SLC24A3: variants seen among roughly 807,000 people sequenced by gnomAD.
The protein encoded by SLC24A3 is sodium/potassium/calcium exchanger 3.
In SLC24A3, 28 loss-of-function variants were observed where a neutral mutation model predicts 75.8. The ratio of observed to expected loss-of-function variants is 0.37; its 90% CI spans 0.27 to 0.51. SLC24A3 has a LOEUF of 0.51. Ranked by LOEUF, SLC24A3 falls within the 20% of genes least tolerant of loss-of-function variation. The pLI, the probability that SLC24A3 is intolerant of heterozygous loss-of-function variation, is 0.94. For synonymous variants in SLC24A3, 372 were observed against 334.1 expected (o/e 1.11, Z -1.24); for missense variants, 663 against 847.8 (o/e 0.78, Z 2.71).
intron 2 of SLC24A3, among the ~76,000 whole-genome samples, chr20:19,431,559 A>G (rs1325324261): frequency 6.6e-6 from 1 of 152,022 alleles, no homozygotes; most frequent in African/African-American, 2.4e-5. Context: ...CAGCCAGATA[A>G]GCACCCAGAG....
At chr20:19,583,585 C>T (rs2031250624) in intron 4 of SLC24A3, among the ~76,000 whole-genome samples, 1 of 152,120 alleles carries the variant, frequency 6.6e-6, no homozygotes, top group African/African-American at 2.4e-5. Context: ...AAGAAACAAA[C>T]TGGCTGGATG....
At chr20:19,314,551 G>T (rs954686564) in intron 2 of SLC24A3, among the ~76,000 whole-genome samples, 2 of 152,088 alleles carry the variant, frequency 1.3e-5, no homozygotes, top group African/African-American at 4.8e-5. Context: ...TCGGGCTCTA[G>T]CAATCTGCCC....
intron 2 of SLC24A3, among the ~76,000 whole-genome samples, chr20:19,457,184 C>A (rs942098230): frequency 6.6e-6 from 1 of 152,188 alleles, no homozygotes; most frequent in African/African-American, 2.4e-5. Context: ...GATCCATCAA[C>A]TGTGGAGTCT....
In SLC24A3 at chr20:19,501,757, C is replaced by T. The variant is rs148856937; in HGVS notation, c.272-13731C>T. On this transcript the variant is annotated intron_variant, in intron 2 of 16. Coordinates refer to ENST00000328041, the MANE Select transcript of SLC24A3 (RefSeq NM_020689.4). Reference sequence around the variant, plus strand: ...GCTGCAGTGTCTCTTCCTGTAATCTCCCACTGTTCTGATTGCTCTTTCTGT... The same window carrying T: ...GCTGCAGTGTCTCTTCCTGTAATCTTCCACTGTTCTGATTGCTCTTTCTGT... Among the ~76,000 whole-genome samples the T allele has an allele frequency of 3.5e-4, 54 of 152,248 alleles. No homozygotes were observed. The East Asian group carries it at 9.1e-3, about 26-fold the overall frequency.
chr20:19,603,756 C>T (rs1482119468), intron 6 of SLC24A3, among the ~76,000 whole-genome samples: 1 of 152,010 alleles, frequency 6.6e-6, no homozygotes, highest in African/African-American at 2.4e-5. Flanking sequence ...GGCCTTGGAG[C>T]CACATTATGC....
chr20:19,621,921 A>G (rs1050901117), intron 6 of SLC24A3, among the ~76,000 whole-genome samples: 7 of 152,194 alleles, frequency 4.6e-5, no homozygotes, highest in Non-Finnish European at 7.3e-5. Flanking sequence ...CTGGTTGCCA[A>G]TGCAGATCTG....
intron 1 of SLC24A3, among the ~76,000 whole-genome samples, chr20:19,227,120 G>A (rs1239225514): frequency 1.3e-5 from 2 of 152,222 alleles, no homozygotes; most frequent in South Asian, 2.1e-4. Flanking sequence ...TCAATTCGAT[G>A]TTCTGTTGCC....
chr20:19,628,856 G>C (rs912479884), intron 6 of SLC24A3, among the ~76,000 whole-genome samples: 2 of 152,108 alleles, frequency 1.3e-5, no homozygotes. Flanking sequence ...TCTCTAGTGG[G>C]GCTAATTGGA....
At chr20:19,690,431 C>A (rs1317693277) in intron 12 of SLC24A3, among the ~76,000 whole-genome samples, 1 of 151,922 alleles carries the variant, frequency 6.6e-6, no homozygotes, top group Non-Finnish European at 1.5e-5. Context: ...TTTTTTCTTC[C>A]CTCTTTTTTT....
intron 2 of SLC24A3, among the ~76,000 whole-genome samples, chr20:19,331,175 A>G (rs1984989443): frequency 6.6e-6 from 1 of 152,226 alleles, no homozygotes; most frequent in Admixed American, 6.5e-5. Flanking sequence ...AATGGACAGA[A>G]GTTTAGATAA....
At chr20:19,216,775 A>G (rs973229572) in intron 1 of SLC24A3, among the ~76,000 whole-genome samples, 1 of 152,226 alleles carries the variant, frequency 6.6e-6, no homozygotes, top group Non-Finnish European at 1.5e-5. Context: ...AAGTCACCCC[A>G]AAAGTTAGTG....
chr20:19,593,076 G>A (rs555288285), intron 6 of SLC24A3, among the ~76,000 whole-genome samples: 7 of 152,278 alleles, frequency 4.6e-5, no homozygotes, highest in East Asian at 1.9e-4. Context: ...ACTTATAGGC[G>A]TGAGCCACCG....
intron 2 of SLC24A3, among the ~76,000 whole-genome samples, chr20:19,303,881 G>C (rs1051366233): frequency 1.2e-4 from 19 of 152,154 alleles, no homozygotes; most frequent in Admixed American, 2.0e-4. Flanking sequence ...TCACCCTACT[G>C]TGTGGCTGCT....
chr20:19,698,199 C>G (rs1295565092), intron 14 of SLC24A3, among the ~76,000 whole-genome samples: 1 of 152,150 alleles, frequency 6.6e-6, no homozygotes, highest in African/African-American at 2.4e-5. Context: ...GGTGTTAAAC[C>G]ATTCATAAGA....
intron 1 of SLC24A3, among the ~76,000 whole-genome samples, chr20:19,246,238 G>C (rs1437400937): frequency 6.6e-6 from 1 of 152,052 alleles, no homozygotes; most frequent in Non-Finnish European, 1.5e-5. Flanking sequence ...AATTAAATAT[G>C]CTAATTGTTC....
rs374350747 is a variant in SLC24A3, at chr20:19,238,850, A to G, written c.142+25866A>G. 2.1e-3 allele frequency among the ~76,000 whole-genome samples: 313 copies of G among 152,176 alleles called. 9 individuals are homozygous for G. The South Asian group carries it at 0.058, about 28-fold the overall frequency. On this transcript the variant is annotated intron_variant, in intron 1 of 16. Transcript: ENST00000328041. ...TTCCACAATGACGACAATGATCATCAGTATTACTATTGATCTTTCTCCTCC... is the reference window on the plus strand; with the variant it reads ...TTCCACAATGACGACAATGATCATCGGTATTACTATTGATCTTTCTCCTCC...
chr20:19,390,634 G>A (rs1021666447), intron 2 of SLC24A3, among the ~76,000 whole-genome samples: 3 of 152,218 alleles, frequency 2.0e-5, no homozygotes, highest in Admixed American at 6.5e-5. Flanking sequence ...GGAGCTGTGG[G>A]GAGTGACCTG....
At chr20:19,673,780 G>T in intron 9 of SLC24A3, 126 bp downstream of exon 9, 1 of 741,980 alleles carries the variant, frequency 1.3e-6, no homozygotes. Flanking sequence ...CAGTCACTTG[G>T]CTCCCTGCCA....
chr20:19,427,900 A>G (rs897695531), intron 2 of SLC24A3, among the ~76,000 whole-genome samples: 14 of 152,202 alleles, frequency 9.2e-5, no homozygotes, highest in African/African-American at 3.4e-4. Context: ...CACAACTTTA[A>G]TATCAGTGGA....
Sources: allele counts gnomAD v4.1 joint callset (sites outside exome capture counted in the v4.1 genomes callset), GRCh38; gene constraint gnomAD v4.1.1; transcripts MANE v1.5; gene names NCBI Gene and HGNC (gene_info 2026-07-23, HGNC 2026-07-21).